The following MOB1B variants were observed in gnomAD, a reference collection of about 807,000 sequenced individuals.
MOB1B encodes MOB kinase activator 1B.
A neutral mutation model predicts 24.4 loss-of-function variants in MOB1B; 19 were observed. The observed-to-expected ratio is 0.78, with a 90% confidence interval of 0.54 to 1.14. MOB1B has a LOEUF of 1.14. Ranked by LOEUF, MOB1B falls within the 50% of genes most tolerant of loss-of-function variation. MOB1B has a pLI of 0.00. For synonymous variants in MOB1B, 76 were observed against 82.1 expected (o/e 0.93, Z 0.40); for missense variants, 243 against 259.6 (o/e 0.94, Z 0.44).
Position 70,983,310 on chromosome 4 carries a change from G to A in MOB1B, c.*1253G>A, listed in dbSNP as rs1739276059. The A allele has an allele frequency of 6.6e-6, 1 of 152,394 alleles. No homozygotes were observed. The highest frequency in any genetic ancestry group is 1.5e-5 in the Non-Finnish European group (1 of 67,948). The allele number at this position is 152,394 out of a possible 1,614,324, so 9.4% of individuals were successfully genotyped here. On this transcript the variant is annotated 3_prime_UTR_variant, in exon 6 of 6. Coordinates refer to ENST00000309395, the MANE Select transcript of MOB1B (RefSeq NM_173468.4). ...CCAGTTTGAAGCATTCTGACTTCTG[G>A]TTTTTCCACCCTGAAAGGAAATGTT...
In MOB1B at chr4:70,946,084, C is replaced by CTTTTTTTTTTTTTTTTTTTT. The variant is rs11331194; in HGVS notation, c.15-12787_15-12768dup. On this transcript the variant is annotated intron_variant, in intron 1 of 5. Coordinates refer to ENST00000309395, the MANE Select transcript of MOB1B (RefSeq NM_173468.4). ...TTGGCTAAGCTGGTTTTTGTTTGTTCTTTTTTTTTTTTTTTTTTTTTTGGC... is the reference window on the plus strand; with the variant it reads ...TTGGCTAAGCTGGTTTTTGTTTGTTCTTTTTTTTTTTTTTTTTTTTTTTTTTTTTTTTTTTTTTTTTTGGC... 2.3e-5 allele frequency among the ~76,000 whole-genome samples: 2 copies of CTTTTTTTTTTTTTTTTTTTT among 85,394 alleles called. 1 individual carries two copies. Among genetic ancestry groups the CTTTTTTTTTTTTTTTTTTTT allele is most frequent in the African/African-American group, 8.2e-5 (2 of 24,384 alleles). The allele number at this position is 85,394 out of a possible 152,430, so 56.0% of individuals were successfully genotyped here. A position where few individuals can be genotyped will look rare whatever the true frequency, so the allele number is the denominator to read the frequency against.
chr4:70,927,363 A>AC (rs1560637098), intron 1 of MOB1B, among the ~76,000 whole-genome samples: 1 of 151,752 alleles, frequency 6.6e-6, no homozygotes, highest in African/African-American at 2.4e-5. Context: ...ACATGATGAA[A>AC]CCCCCGTCTC....
chr4:70,917,489 A>G (rs1736239896), intron 1 of MOB1B, among the ~76,000 whole-genome samples: 2 of 152,286 alleles, frequency 1.3e-5, no homozygotes, highest in African/African-American at 4.8e-5. Context: ...AAGGATTCAA[A>G]TGGGTGCACA....
chr4:70,963,478 A>G (rs973421668), intron 2 of MOB1B, among the ~76,000 whole-genome samples: 2 of 152,206 alleles, frequency 1.3e-5, no homozygotes, highest in East Asian at 3.8e-4. Flanking sequence ...AAATCCAAAT[A>G]TTATCAATAG....
intron 1 of MOB1B, among the ~76,000 whole-genome samples, chr4:70,926,000 G>C (rs1039231260): frequency 6.6e-6 from 1 of 152,066 alleles, no homozygotes; most frequent in Non-Finnish European, 1.5e-5. Context: ...TTTCTTATTT[G>C]TGTGAGTGAC....
chr4:70,916,710 G>A (rs756104421), intron 1 of MOB1B, among the ~76,000 whole-genome samples: 2 of 152,168 alleles, frequency 1.3e-5, no homozygotes, highest in Admixed American at 6.5e-5. Context: ...TGGGATTACA[G>A]GCATGTGCCA....
intron 1 of MOB1B, among the ~76,000 whole-genome samples, chr4:70,920,784 G>A (rs1289490109): frequency 6.6e-6 from 1 of 152,066 alleles, no homozygotes; most frequent in Non-Finnish European, 1.5e-5. Flanking sequence ...GGGGAAATTA[G>A]GCAGAGAAAG....
intron 4 of MOB1B, among the ~76,000 whole-genome samples, chr4:70,977,503 A>G (rs1346057246): frequency 6.6e-6 from 1 of 152,130 alleles, no homozygotes; most frequent in African/African-American, 2.4e-5. Context: ...ACATTTTTTA[A>G]AATAAATTTT....
chr4:70,904,511 A>G (rs1286619938), intron 1 of MOB1B, among the ~76,000 whole-genome samples: 1 of 151,882 alleles, frequency 6.6e-6, no homozygotes, highest in East Asian at 2.0e-4. Context: ...CTGTAATCCC[A>G]GCACTTTGGG....
At position 70,982,096 on chromosome 4, in the gene MOB1B, C is replaced by A. The variant is rs115809171; in HGVS notation, c.*39C>A. 2 of 1,429,334 alleles carry A rather than the reference C, an allele frequency of 1.4e-6. No individual in the cohort carries two copies. Among genetic ancestry groups the A allele is most frequent in the South Asian group, 1.2e-5 (1 of 86,222 alleles). 88.5% of individuals were successfully genotyped at this position (1,429,334 alleles called of 1,614,324 possible). On this transcript the variant is annotated 3_prime_UTR_variant, in exon 6 of 6. Coordinates refer to ENST00000309395, the MANE Select transcript of MOB1B (RefSeq NM_173468.4). ...TGTGCAAATTGTTCCTCAAATGAAG[C>A]AGTGTGGAGTGTATTGGGGATTTTG...
At chr4:70,913,300 G>C (rs112810805) in intron 1 of MOB1B, among the ~76,000 whole-genome samples, 3 of 147,424 alleles carry the variant, frequency 2.0e-5, no homozygotes, top group African/African-American at 7.8e-5. Context: ...ATGTATGTAT[G>C]TATCTATGTA....
At chr4:70,921,709 G>A (rs773145628) in intron 1 of MOB1B, among the ~76,000 whole-genome samples, 6 of 151,870 alleles carry the variant, frequency 4.0e-5, no homozygotes, top group Non-Finnish European at 7.4e-5. Context: ...GGGTTTCACC[G>A]TGTTGGCCAG....
At chr4:70,902,347 A>G, upstream of MOB1B, 2 of 676,978 alleles carry the variant, frequency 3.0e-6, no homozygotes, top group Non-Finnish European at 5.4e-6. Flanking sequence ...AGCGCTACCC[A>G]CTTCCGCCCC....
At chr4:70,917,705 G>C (rs1211641429) in intron 1 of MOB1B, among the ~76,000 whole-genome samples, 1 of 152,064 alleles carries the variant, frequency 6.6e-6, no homozygotes, top group Non-Finnish European at 1.5e-5. Context: ...CTCTTGCATG[G>C]GAAAGCTTTT....
At chr4:70,943,013 T>TA (rs1737413434) in intron 1 of MOB1B, 1 of 164,836 alleles carries the variant, frequency 6.1e-6, no homozygotes, top group African/African-American at 2.4e-5. Flanking sequence ...TTTATCGAGA[T>TA]ATGATTTACA....
intron 1 of MOB1B, 81 bp downstream of exon 1, chr4:70,902,631 C>CCCTCGT: frequency 7.4e-7 from 1 of 1,358,950 alleles, no homozygotes; most frequent in Non-Finnish European, 9.8e-7. Flanking sequence ...CCGTCGCCCG[C>CCCTCGT]CCTCGTCCCG....
chr4:70,982,152 G>A lies in MOB1B; in HGVS notation c.*95G>A. The A allele has an allele frequency of 1.1e-6, 1 of 898,546 alleles. No individual in the cohort carries two copies. Among genetic ancestry groups the A allele is most frequent in the South Asian group, 1.6e-5 (1 of 63,460 alleles). The allele number at this position is 898,546 out of a possible 1,614,324, so 55.7% of individuals were successfully genotyped here. Reference sequence around the variant, plus strand: ...TTTTGTTTTTATCTGGATTGTTTTTGTCCTAGGTTTGGGGGCGGGGGCTTG... The same window carrying A: ...TTTTGTTTTTATCTGGATTGTTTTTATCCTAGGTTTGGGGGCGGGGGCTTG... On this transcript the variant is annotated 3_prime_UTR_variant, in exon 6 of 6. Coordinates refer to ENST00000309395, the MANE Select transcript of MOB1B (RefSeq NM_173468.4).
chr4:70,975,704 A>C, intron 4 of MOB1B: 3 of 976,336 alleles, frequency 3.1e-6, no homozygotes, highest in Non-Finnish European at 3.7e-6. Context: ...CCCTGAAGTA[A>C]GGGAAAGGCT....
chr4:70,981,335 T>C (rs1013985482), intron 5 of MOB1B, among the ~76,000 whole-genome samples: 4 of 152,192 alleles, frequency 2.6e-5, no homozygotes, highest in Non-Finnish European at 5.9e-5. Context: ...CAAGCCTCTA[T>C]TTACTAGCCT....
Sources: allele counts gnomAD v4.1 joint callset (sites outside exome capture counted in the v4.1 genomes callset), GRCh38; gene constraint gnomAD v4.1.1; transcripts MANE v1.5; gene names NCBI Gene and HGNC (gene_info 2026-07-23, HGNC 2026-07-21).